ADGRV1: variants seen among roughly 807,000 people sequenced by gnomAD.
ADGRV1 encodes adhesion G protein-coupled receptor V1.
Under a neutral mutation model 596.2 loss-of-function variants are expected in ADGRV1, and 359 were observed. The ratio of observed to expected loss-of-function variants is 0.60; its 90% CI spans 0.55 to 0.66. ADGRV1 has a LOEUF of 0.66. Among genes scored for constraint, ADGRV1 ranks in the 30% least tolerant of loss-of-function variants. The pLI, the probability that ADGRV1 is intolerant of heterozygous loss-of-function variation, is 0.00. For missense variants in ADGRV1, 7,274 were observed against 7,575.6 expected, an observed-to-expected ratio of 0.96 and a Z score of 1.48; for synonymous variants, 2,681 against 2,679.2, an observed-to-expected ratio of 1.00 and a Z score of -0.02.
chr5:91,157,822 C>G (rs1165238063), intron 89 of ADGRV1, among the ~76,000 whole-genome samples: 2 of 152,162 alleles, frequency 1.3e-5, no homozygotes, highest in African/African-American at 4.8e-5. Flanking sequence ...TCCCTTAAAG[C>G]TGTCCTTCCC....
intron 73 of ADGRV1, among the ~76,000 whole-genome samples, chr5:90,808,797 G>A (rs1762145611): frequency 6.6e-6 from 1 of 152,104 alleles, no homozygotes; most frequent in African/African-American, 2.4e-5. Context: ...TTGGGAGGCT[G>A]AGGCAGGAGA....
chr5:90,711,269 T>A lies in ADGRV1; in HGVS notation c.8989T>A (p.Tyr2997Asn). 1 of 1,613,196 alleles carries A rather than the reference T, an allele frequency of 6.2e-7. No individual in the cohort carries two copies. The highest frequency in any genetic ancestry group is 8.5e-7 in the Non-Finnish European group (1 of 1,179,346). Reference protein sequence around the residue: ...EPLGHVSLFVYAQNLEAQVGL... With the variant: ...EPLGHVSLFVNAQNLEAQVGL... The stretch of plus-strand genomic sequence containing the variant: ...TCTTGGCCATGTTTCCTTATTTGTG[T>A]ATGCTCAGAATTTGGAAGCACAAGT... The change falls in exon 41 of 90, where the codon TAT (tyrosine) becomes AAT (asparagine). Residue 2997 changes from tyrosine (Y) to asparagine (N), a missense_variant. Coordinates refer to ENST00000405460, the MANE Select transcript of ADGRV1 (RefSeq NM_032119.4).
intron 4 of ADGRV1, among the ~76,000 whole-genome samples, chr5:90,619,588 A>G (rs970741344): frequency 1.3e-5 from 2 of 151,912 alleles, no homozygotes; most frequent in Non-Finnish European, 2.9e-5. Flanking sequence ...TTGAAAGAAT[A>G]CTTTTCTTTT....
chr5:90,721,396 C>G (rs996759007), intron 45 of ADGRV1, among the ~76,000 whole-genome samples: 1 of 151,534 alleles, frequency 6.6e-6, no homozygotes, highest in Non-Finnish European at 1.5e-5. Flanking sequence ...CCCAGCTACT[C>G]GGGAGGCTAA....
intron 39 of ADGRV1, among the ~76,000 whole-genome samples, chr5:90,709,975 G>C (rs1433546147): frequency 2.0e-5 from 3 of 152,214 alleles, no homozygotes; most frequent in African/African-American, 7.2e-5. Context: ...TAGGCTAAGA[G>C]AAGCTGCGTA....
At chr5:90,683,533 G>A in intron 27 of ADGRV1, 53 bp from the exon 28 acceptor site, 1 of 1,380,048 alleles carries the variant, frequency 7.2e-7, no homozygotes, top group Admixed American at 2.5e-5. Context: ...AAGCCTCTAA[G>A]TAACTGGCTT....
At chr5:91,140,854 C>T (rs754796323) in intron 87 of ADGRV1, among the ~76,000 whole-genome samples, 30 of 152,138 alleles carry the variant, frequency 2.0e-4, no homozygotes, top group Admixed American at 9.2e-4. Flanking sequence ...TGAAACTTAA[C>T]AGAATCATGA....
intron 83 of ADGRV1, among the ~76,000 whole-genome samples, chr5:90,957,898 A>G (rs1777623323): frequency 6.6e-6 from 1 of 151,882 alleles, no homozygotes. Flanking sequence ...AAATATTCTT[A>G]ATACAATGTT....
At chr5:90,757,250 C>A in intron 57 of ADGRV1, 89 bp downstream of exon 57, 1 of 962,666 alleles carries the variant, frequency 1.0e-6, no homozygotes, top group South Asian at 1.5e-5. Flanking sequence ...TTGGTGATTG[C>A]TAAATGCATT....
intron 86 of ADGRV1, among the ~76,000 whole-genome samples, chr5:91,090,393 A>G (rs193135586): frequency 1.3e-5 from 2 of 152,286 alleles, no homozygotes; most frequent in Admixed American, 6.5e-5. Context: ...AGGCAAGACC[A>G]TAATTCTAGG....
intron 67 of ADGRV1, among the ~76,000 whole-genome samples, chr5:90,784,758 T>C (rs2460171): frequency 0.17 from 25,300 of 151,900 alleles, 4,742 homozygotes; most frequent in African/African-American, 0.47. Context: ...CATTGCTCAA[T>C]GAAATAAAAG....
At chr5:90,636,454 C>T (rs1306695089) in intron 10 of ADGRV1, among the ~76,000 whole-genome samples, 6 of 152,162 alleles carry the variant, frequency 3.9e-5, no homozygotes, top group Non-Finnish European at 5.9e-5. Context: ...TCTGAATACA[C>T]TCTTTTCTTC....
chr5:90,629,663 A>G lies in ADGRV1; in HGVS notation c.1839+124A>G, dbSNP rs1370371519. ...TGCCGTCATTTATATGTTGTTACTAAAAGTTGTTTAGGTAGTCGGAAGAGA... is the reference window on the plus strand; with the variant it reads ...TGCCGTCATTTATATGTTGTTACTAGAAGTTGTTTAGGTAGTCGGAAGAGA... On this transcript the variant is annotated intron_variant, in intron 9 of 89. Transcript: ENST00000405460. 4.2e-6 allele frequency: 3 copies of G among 714,312 alleles called. No homozygotes were observed. In the African/African-American group the frequency reaches 5.3e-5, roughly 13 times the overall value. 44.2% of individuals were successfully genotyped at this position (714,312 alleles called of 1,614,324 possible).
chr5:90,685,308 C>T (rs1580729186), intron 28 of ADGRV1, among the ~76,000 whole-genome samples: 1 of 152,008 alleles, frequency 6.6e-6, no homozygotes, highest in East Asian at 1.9e-4. Flanking sequence ...TAGGGCTGGG[C>T]GCGGTGGCTT....
chr5:90,847,761 G>A lies in ADGRV1; in HGVS notation c.17020-876G>A, dbSNP rs557835174. 7.2e-5 allele frequency among the ~76,000 whole-genome samples: 11 copies of A among 152,322 alleles called. No individual in the cohort carries two copies. The East Asian group carries it at 1.2e-3, about 16-fold the overall frequency. On this transcript the variant is annotated intron_variant, in intron 78 of 89. Transcript: ENST00000405460. ...CCGGGGCTGGCAGGGCTGGCTGGCC[G>A]CTGAATGCGGGGCCCACTGAGCCCA...
intron 85 of ADGRV1, among the ~76,000 whole-genome samples, chr5:91,033,033 T>C (rs1784602993): frequency 6.6e-6 from 1 of 152,212 alleles, no homozygotes; most frequent in Non-Finnish European, 1.5e-5. Flanking sequence ...TAGTGGGTTT[T>C]ATACATTTAC....
intron 83 of ADGRV1, among the ~76,000 whole-genome samples, chr5:90,934,419 C>T (rs899760877): frequency 5.9e-5 from 9 of 152,206 alleles, no homozygotes; most frequent in Non-Finnish European, 1.3e-4. Flanking sequence ...ACTTACCCTT[C>T]TAAGTCTAAT....
intron 17 of ADGRV1, among the ~76,000 whole-genome samples, chr5:90,651,002 A>G (rs1002900778): frequency 6.6e-6 from 1 of 152,186 alleles, no homozygotes; most frequent in African/African-American, 2.4e-5. Context: ...ATGTGTAGGC[A>G]ATAACAGTGC....
At chr5:90,975,792 T>C (rs958782896) in intron 84 of ADGRV1, among the ~76,000 whole-genome samples, 2 of 152,018 alleles carry the variant, frequency 1.3e-5, no homozygotes, top group African/African-American at 2.4e-5. Flanking sequence ...AGATGGCACA[T>C]GTATACATAG....
Sources: allele counts gnomAD v4.1 joint callset (sites outside exome capture counted in the v4.1 genomes callset), GRCh38; gene constraint gnomAD v4.1.1; transcripts MANE v1.5; gene names NCBI Gene and HGNC (gene_info 2026-07-23, HGNC 2026-07-21).